TASP1: variants seen among roughly 807,000 people sequenced by gnomAD.
The protein encoded by TASP1 is threonine aspartase 1.
TASP1 carries 16 observed loss-of-function variants against 56.6 expected under a neutral mutation model. The observed-to-expected ratio is 0.28, with a 90% CI of 0.19 to 0.43. TASP1 has a LOEUF of 0.43. TASP1 is among the 20% of genes least tolerant of loss of function. The pLI is 1.00. For missense variants in TASP1, 393 were observed against 511.6 expected (o/e 0.77, Z 2.24); for synonymous variants, 179 against 184.2 (o/e 0.97, Z 0.23).
chr20:13,443,224 T>A (rs531393154), intron 11 of TASP1, among the ~76,000 whole-genome samples: 3 of 152,184 alleles, frequency 2.0e-5, no homozygotes, highest in Non-Finnish European at 4.4e-5. Flanking sequence ...GTGGTGGTGA[T>A]AGGGTATCAA....
chr20:13,268,091 T>C, the TASP1 span, among the ~76,000 whole-genome samples: 1 of 131,216 alleles, frequency 7.6e-6, no homozygotes, highest in African/African-American at 3.0e-5. Flanking sequence ...TGAGAAAAGA[T>C]AGCATGCTCT....
intron 12 of TASP1, among the ~76,000 whole-genome samples, chr20:13,433,464 C>T (rs1407064405): frequency 7.0e-6 from 1 of 142,672 alleles, no homozygotes; most frequent in Admixed American, 7.2e-5. Flanking sequence ...TTAAAAAGCA[C>T]ATCTCCTTGG....
intron 8 of TASP1, among the ~76,000 whole-genome samples, chr20:13,551,752 C>T (rs756300990): frequency 6.6e-6 from 1 of 152,124 alleles, no homozygotes; most frequent in Non-Finnish European, 1.5e-5. Context: ...CACTTCATTC[C>T]AAAAGTAAGG....
At chr20:13,436,323 T>A (rs1034123758) in intron 11 of TASP1, among the ~76,000 whole-genome samples, 3 of 151,094 alleles carry the variant, frequency 2.0e-5, no homozygotes, top group African/African-American at 7.4e-5. Flanking sequence ...TATTTTGTTT[T>A]GTTTTTAGTT....
At chr20:13,160,630 T>C in the TASP1 span, among the ~76,000 whole-genome samples, 31 of 152,248 alleles carry the variant, frequency 2.0e-4, no homozygotes, top group Non-Finnish European at 3.7e-4. Context: ...TCCATTGTTA[T>C]GTGAATGAGT....
the TASP1 span, chr20:13,164,562 T>C: frequency 3.5e-4 from 209 of 596,320 alleles, 1 homozygote; most frequent in Non-Finnish European, 4.3e-4. Flanking sequence ...ATAAAATTAA[T>C]TAGCATCTAA....
chr20:13,610,101 G>A (rs1223267327), intron 4 of TASP1, among the ~76,000 whole-genome samples: 1 of 152,166 alleles, frequency 6.6e-6, no homozygotes, highest in African/African-American at 2.4e-5. Flanking sequence ...TGGTCCACAA[G>A]GGGGAAAGGA....
intron 10 of TASP1, among the ~76,000 whole-genome samples, chr20:13,508,212 A>G (rs2044201538): frequency 6.6e-6 from 1 of 152,004 alleles, no homozygotes; most frequent in Non-Finnish European, 1.5e-5. Flanking sequence ...TGATATGACA[A>G]CAAAAGCACA....
chr20:13,493,030 C>G (rs1344368389), intron 10 of TASP1, among the ~76,000 whole-genome samples: 1 of 151,898 alleles, frequency 6.6e-6, no homozygotes, highest in Non-Finnish European at 1.5e-5. Flanking sequence ...AGGATATAAC[C>G]AAATCACACA....
At chr20:13,481,308 CT>C (rs1568858229) in intron 11 of TASP1, among the ~76,000 whole-genome samples, 1 of 152,052 alleles carries the variant, frequency 6.6e-6, no homozygotes, top group Non-Finnish European at 1.5e-5. Flanking sequence ...GCCACGTTTT[CT>C]TTATTCATTC....
intron 5 of TASP1, among the ~76,000 whole-genome samples, chr20:13,581,187 A>C (rs1201407463): frequency 6.6e-6 from 1 of 152,192 alleles, no homozygotes; most frequent in African/African-American, 2.4e-5. Flanking sequence ...AGAAGAAAAG[A>C]ACGAATATAA....
intron 6 of TASP1, among the ~76,000 whole-genome samples, chr20:13,574,540 A>C (rs958777041): frequency 7.9e-5 from 12 of 152,338 alleles, no homozygotes; most frequent in African/African-American, 2.9e-4. Flanking sequence ...CAGAATTAGC[A>C]AACAAAGATA....
At chr20:13,147,063 G>C in the TASP1 span, among the ~76,000 whole-genome samples, 1 of 152,164 alleles carries the variant, frequency 6.6e-6, no homozygotes. Flanking sequence ...GTGGGAGGTG[G>C]AGGCAGGGTG....
chr20:13,524,813 C>T (rs1175635013), intron 10 of TASP1, among the ~76,000 whole-genome samples: 3 of 152,108 alleles, frequency 2.0e-5, no homozygotes, highest in Admixed American at 6.5e-5. Flanking sequence ...TAGATGCAAG[C>T]GGTTCGCATG....
At chr20:13,561,751 G>T (rs2046350879) in intron 7 of TASP1, among the ~76,000 whole-genome samples, 2 of 152,092 alleles carry the variant, frequency 1.3e-5, no homozygotes, top group African/African-American at 4.8e-5. Flanking sequence ...ATACAATTTT[G>T]CAAAAGAGGG....
chr20:13,281,588 C>T, the TASP1 span, among the ~76,000 whole-genome samples: 1 of 152,220 alleles, frequency 6.6e-6, no homozygotes, highest in Non-Finnish European at 1.5e-5. Context: ...AGATTCACCC[C>T]AGGCAGTCTG....
chr20:13,587,174 T>A (rs1185977883), intron 5 of TASP1, 76 bp downstream of exon 5: 5 of 1,485,496 alleles, frequency 3.4e-6, no homozygotes, highest in Non-Finnish European at 4.5e-6. Flanking sequence ...TGAAAAAGAC[T>A]GTAATCATCT....
the TASP1 span, among the ~76,000 whole-genome samples, chr20:13,289,679 G>GGAGGAGGAA: frequency 6.6e-6 from 1 of 151,720 alleles, no homozygotes; most frequent in Non-Finnish European, 1.5e-5. Flanking sequence ...AGGAGGGGGA[G>GGAGGAGGAA]GAGGAGGAAG....
At chr20:13,204,145 T>C in the TASP1 span, among the ~76,000 whole-genome samples, 1 of 152,198 alleles carries the variant, frequency 6.6e-6, no homozygotes, top group Non-Finnish European at 1.5e-5. Flanking sequence ...TGAGTACTGA[T>C]TGGTTTTGGA....
Sources: allele counts gnomAD v4.1 joint callset (sites outside exome capture counted in the v4.1 genomes callset), GRCh38; gene constraint gnomAD v4.1.1; transcripts MANE v1.5; gene names NCBI Gene and HGNC (gene_info 2026-07-23, HGNC 2026-07-21).